The following PCDHB16 variants were observed in gnomAD, a reference collection of about 807,000 sequenced individuals.
The protein encoded by PCDHB16 is protocadherin beta 16, also known as protocadherin beta-16.
For synonymous variants in PCDHB16, 444 were observed against 436.5 expected, an observed-to-expected ratio of 1.02 and a Z score of -0.21; for missense variants, 1,026 against 989.9, an observed-to-expected ratio of 1.04 and a Z score of -0.49.
rs782612185 is a variant in PCDHB16, at chr5:141,183,182, T to G, written c.623T>G (p.Leu208Arg). 1.2e-6 allele frequency: 2 copies of G among 1,614,194 alleles called. No individual in the cohort carries two copies. The change falls in exon 1 of 1, where the codon CTA becomes CGA. Residue 208 changes from leucine to arginine, a missense_variant. Transcript: ENST00000609684. ...CTGGATCGGGAGGAGGAGCCTCAAC[T>G]AAGATTAACCCTGACAGCGCTGGAT... ...KELDREEEPQ[L>R]RLTLTALDGG...
Position 141,183,820 on chromosome 5 carries a change from C to G in PCDHB16, c.1261C>G (p.Leu421Val). The G allele has an allele frequency of 1.2e-6, 2 of 1,614,206 alleles. No individual in the cohort carries two copies. Among genetic ancestry groups the G allele is most frequent in the Middle Eastern group, 1.6e-4 (1 of 6,062 alleles). Residue 421 changes from leucine to valine, a missense_variant, in exon 1 of 1, where the codon CTC becomes GTC. Coordinates refer to ENST00000609684, the MANE Select transcript of PCDHB16 (RefSeq NM_020957.4). ...REARAEYNIT[L>V]TVTDMGTPRL... ...AGCAAGAGCTGAATATAATATCACCCTCACCGTCACAGATATGGGGACTCC... is the reference window on the plus strand; with the variant it reads ...AGCAAGAGCTGAATATAATATCACCGTCACCGTCACAGATATGGGGACTCC...
rs1006374044 is a variant in PCDHB16 at position 141,183,593 on chromosome 5, C to T, written c.1034C>T (p.Pro345Leu). The T allele has an allele frequency of 6.2e-7, 1 of 1,614,152 alleles. No homozygotes were observed. Among genetic ancestry groups the T allele is most frequent in the East Asian group, 2.2e-5 (1 of 44,870 alleles). Residue 345 changes from proline (P) to leucine (L), a missense_variant, in exon 1 of 1, where the codon CCA becomes CTA. Pro to Leu is a moderately conservative substitution (Grantham distance 98, BLOSUM62 -3). Transcript: ENST00000609684. ...LQVVDVNDNPPQVTMSALTSP... is the reference protein window; with the variant it reads ...LQVVDVNDNPLQVTMSALTSP... ...GTGGTGGACGTGAATGACAATCCCC[C>T]ACAGGTGACCATGTCTGCACTCACC...
In PCDHB16 at chr5:141,183,036, C is replaced by A. The variant is rs782704409; in HGVS notation, c.477C>A (p.Asp159Glu). 6.2e-7 allele frequency: 1 copy of A among 1,614,222 alleles called. No individual in the cohort carries two copies. The highest frequency in any genetic ancestry group is 8.5e-7 in the Non-Finnish European group (1 of 1,180,048). The change falls in exon 1 of 1, where the codon GAC becomes GAA. Residue 159 changes from aspartate to glutamate, a missense_variant. Asp to Glu is a conservative substitution (Grantham distance 45). Transcript: ENST00000609684. The stretch of plus-strand genomic sequence containing the variant: ...AGTTCCCTCTGAATCATGCTTTGGA[C>A]TTGGACGTAGGAAGCAATAATGTTC... ...GTEFPLNHAL[D>E]LDVGSNNVQN...
At position 141,182,651 on chromosome 5, in the gene PCDHB16, G is replaced by T. The variant is rs782010736; in HGVS notation, c.92G>T (p.Gly31Val). The change falls in exon 1 of 1, where the codon GGG (glycine) becomes GTG (valine). Residue 31 changes from glycine (G) to valine (V), a missense_variant. By Grantham distance (109) the Gly-to-Val change is moderately radical. Coordinates refer to ENST00000609684, the MANE Select transcript of PCDHB16 (RefSeq NM_020957.4). ...TTGTCTGGGGCGGGCGCCGAGTTGG[G>T]GTCCTATTCCGTAGTGGAAGAAACG... ...LSLSGAGAEL[G>V]SYSVVEETER... The T allele has an allele frequency of 3.1e-6, 5 of 1,592,304 alleles. No individual in the cohort carries two copies. The Admixed American group carries it at 9.1e-5, about 29-fold the overall frequency.
Position 141,184,868 on chromosome 5 carries a change from T to A in PCDHB16, c.2309T>A (p.Ile770Asn). ...AGTGAGTTCAAGTTCCTGAAGCCGA[T>A]TATCCCCAACTTCTCTCCTTAGGGC... ...ETSEFKFLKP[I>N]IPNFSP Residue 770 changes from isoleucine to asparagine, a missense_variant, in exon 1 of 1, where the codon ATT becomes AAT. Coordinates refer to ENST00000609684, the MANE Select transcript of PCDHB16 (RefSeq NM_020957.4). 6.2e-7 allele frequency: 1 copy of A among 1,614,222 alleles called. No individual in the cohort carries two copies. Among genetic ancestry groups the A allele is most frequent in the East Asian group, 2.2e-5 (1 of 44,886 alleles).
rs1753627094 is a variant in PCDHB16 at position 141,183,619 on chromosome 5, A to G, written c.1060A>G (p.Ser354Gly). Residue 354 changes from serine to glycine, a missense_variant, in exon 1 of 1, where the codon AGC becomes GGC. Ser to Gly is a moderately conservative substitution (Grantham distance 56, BLOSUM62 0). Coordinates refer to ENST00000609684, the MANE Select transcript of PCDHB16 (RefSeq NM_020957.4). ...ACAGGTGACCATGTCTGCACTCACC[A>G]GCCCCATCCCAGAGAACTCGCCTGA... ...PPQVTMSALT[S>G]PIPENSPEIV... The G allele has an allele frequency of 6.2e-7, 1 of 1,614,028 alleles. No homozygotes were observed. The highest frequency in any genetic ancestry group is 8.5e-7 in the Non-Finnish European group (1 of 1,180,032).
chr5:141,183,804 T>C lies in PCDHB16; in HGVS notation c.1245T>C (p.Ala415=). ...TERALDREAR[A]EYNITLTVTD... ...GAGCACTCGACAGAGAAGCAAGAGCTGAATATAATATCACCCTCACCGTCA... is the reference window on the plus strand; with the variant it reads ...GAGCACTCGACAGAGAAGCAAGAGCCGAATATAATATCACCCTCACCGTCA... Residue 415 remains alanine (A), a synonymous_variant, in exon 1 of 1, where the codon GCT becomes GCC. Coordinates refer to ENST00000609684, the MANE Select transcript of PCDHB16 (RefSeq NM_020957.4). 6.2e-7 allele frequency: 1 copy of C among 1,614,176 alleles called. No homozygotes were observed. The highest frequency in any genetic ancestry group is 1.3e-5 in the African/African-American group (1 of 75,050).
Position 141,185,403 on chromosome 5 carries a change from C to A in PCDHB16, c.*513C>A. The A allele has an allele frequency of 2.7e-6, 2 of 749,054 alleles. No homozygotes were observed. Among genetic ancestry groups the A allele is most frequent in the Non-Finnish European group, 3.3e-6 (2 of 612,244 alleles). 46.4% of individuals were successfully genotyped at this position (749,054 alleles called of 1,614,324 possible). ...AAAGTTTCTTTCTTTCTTTTCTTTT[C>A]TTTCTTTTTTTTTTTTTCCTTTTTG... On this transcript the variant is annotated 3_prime_UTR_variant, in exon 1 of 1. Transcript: ENST00000609684.
At position 141,183,774 on chromosome 5, in the gene PCDHB16, G is replaced by A. The variant is rs782203418; in HGVS notation, c.1215G>A (p.Thr405=). The stretch of plus-strand genomic sequence containing the variant: ...TCAAGAACTTTTACACCTTGGTAAC[G>A]GAGAGAGCACTCGACAGAGAAGCAA... ...PSVKNFYTLV[T]ERALDREARA... Residue 405 remains threonine (T), a synonymous_variant, in exon 1 of 1, where the codon ACG becomes ACA. Coordinates refer to ENST00000609684, the MANE Select transcript of PCDHB16 (RefSeq NM_020957.4). 4.3e-6 allele frequency: 7 copies of A among 1,614,136 alleles called. No individual in the cohort carries two copies. Among genetic ancestry groups the A allele is most frequent in the Middle Eastern group, 1.6e-4 (1 of 6,062 alleles).
Position 141,185,972 on chromosome 5 carries a change from T to C in PCDHB16, c.*1082T>C. On this transcript the variant is annotated 3_prime_UTR_variant, in exon 1 of 1. Coordinates refer to ENST00000609684, the MANE Select transcript of PCDHB16 (RefSeq NM_020957.4). ...ATAATTTATTCTTTCTATTACTGAA[T>C]TAAAAAATCAGAGGTCCCTGTTATA... 4.2e-6 allele frequency: 4 copies of C among 961,372 alleles called. No homozygotes were observed. The highest frequency in any genetic ancestry group is 5.0e-6 in the Non-Finnish European group (4 of 794,692). 59.6% of individuals were successfully genotyped at this position (961,372 alleles called of 1,614,324 possible). A position where few individuals can be genotyped will look rare whatever the true frequency, so the allele number is the denominator to read the frequency against.
rs377068648 is a variant in PCDHB16 at position 141,183,589 on chromosome 5, C to T, written c.1030C>T (p.Pro344Ser). The change falls in exon 1 of 1, where the codon CCC (proline) becomes TCC (serine). Residue 344 changes from proline (P) to serine (S), a missense_variant. Physicochemically the swap from Pro to Ser is moderately conservative, Grantham distance 74. Transcript: ENST00000609684. ...GCAGGTGGTGGACGTGAATGACAAT[C>T]CCCCACAGGTGACCATGTCTGCACT... ...LLQVVDVNDNPPQVTMSALTS... is the reference protein window; with the variant it reads ...LLQVVDVNDNSPQVTMSALTS... The T allele has an allele frequency of 8.1e-6, 13 of 1,614,012 alleles. 1 individual carries two copies. The highest frequency in any genetic ancestry group is 5.3e-5 in the African/African-American group (4 of 74,896).
In PCDHB16 at chr5:141,183,553, AC is replaced by A; in HGVS notation, c.995del (p.Thr332IlefsTer9). 6.2e-7 allele frequency: 1 copy of A among 1,613,940 alleles called. No homozygotes were observed. Among genetic ancestry groups the A allele is most frequent in the Non-Finnish European group, 8.5e-7 (1 of 1,179,996 alleles). ...TDGGGLSGKC[T>X]LLLQVVDVND... Reference sequence around the variant, plus strand: ...TGGGGGAGGTCTTTCAGGAAAGTGCACTCTTCTCCTGCAGGTGGTGGACGTG... The same window carrying A: ...TGGGGGAGGTCTTTCAGGAAAGTGCATCTTCTCCTGCAGGTGGTGGACGTG... On this transcript the variant is annotated frameshift_variant, in exon 1 of 1. Transcript: ENST00000609684. LOFTEE classifies it low-confidence loss of function (END_TRUNC).
rs1554282604 is a variant in PCDHB16, at chr5:141,186,050, A to G, written c.*1160A>G. The G allele has an allele frequency of 1.0e-6, 1 of 998,542 alleles. No homozygotes were observed. Among genetic ancestry groups the G allele is most frequent in the African/African-American group, 1.7e-5 (1 of 57,180 alleles). The allele number at this position is 998,542 out of a possible 1,614,324, so 61.9% of individuals were successfully genotyped here. Reference sequence around the variant, plus strand: ...TTAAGTTGGAAAAAAAACTTATCAAAGAGACATTTACATGGTTTGGCTTTT... The same window carrying G: ...TTAAGTTGGAAAAAAAACTTATCAAGGAGACATTTACATGGTTTGGCTTTT... On this transcript the variant is annotated 3_prime_UTR_variant, in exon 1 of 1. Coordinates refer to ENST00000609684, the MANE Select transcript of PCDHB16 (RefSeq NM_020957.4).
chr5:141,184,494 G>A lies in PCDHB16; in HGVS notation c.1935G>A (p.Lys645=). Residue 645 remains lysine (K), a synonymous_variant, in exon 1 of 1, where the codon AAG becomes AAA. Coordinates refer to ENST00000609684, the MANE Select transcript of PCDHB16 (RefSeq NM_020957.4). ...AGCAGAGGCTGGTGGTGCTGGTCAA[G>A]GACAATGGCGAGCCTCCGCGCTCGG... The part of the protein sequence containing the change: ...AAKQRLVVLV[K]DNGEPPRSAT... 1.2e-6 allele frequency: 2 copies of A among 1,609,108 alleles called. No individual in the cohort carries two copies. Among genetic ancestry groups the A allele is most frequent in the Non-Finnish European group, 1.7e-6 (2 of 1,179,598 alleles).
In PCDHB16 at chr5:141,185,090, C is replaced by G; in HGVS notation, c.*200C>G. 1 of 1,408,456 alleles carries G rather than the reference C, an allele frequency of 7.1e-7. No individual in the cohort carries two copies. The highest frequency in any genetic ancestry group is 9.3e-7 in the Non-Finnish European group (1 of 1,079,300). 87.2% of individuals were successfully genotyped at this position (1,408,456 alleles called of 1,614,324 possible). On this transcript the variant is annotated 3_prime_UTR_variant, in exon 1 of 1. Coordinates refer to ENST00000609684, the MANE Select transcript of PCDHB16 (RefSeq NM_020957.4). ...TATTGTTAATTCCAGTTTCCCTTTT[C>G]CTCATATTTACCCCGAAGAGGTGTT...
chr5:141,182,722 G>C lies in PCDHB16; in HGVS notation c.163G>C (p.Gly55Arg). ...VANLGKDLGLGLTEMSTRKAR... is the reference protein window; with the variant it reads ...VANLGKDLGLRLTEMSTRKAR... ...AAATCTAGGAAAAGACCTGGGGTTG[G>C]GGTTGACAGAGATGTCCACCCGCAA... Residue 55 changes from glycine (G) to arginine (R), a missense_variant, in exon 1 of 1, where the codon GGG (glycine) becomes CGG (arginine). Coordinates refer to ENST00000609684, the MANE Select transcript of PCDHB16 (RefSeq NM_020957.4). The C allele has an allele frequency of 9.9e-6, 16 of 1,611,566 alleles. No homozygotes were observed. Among genetic ancestry groups the C allele is most frequent in the Non-Finnish European group, 1.4e-5 (16 of 1,178,316 alleles).
rs1025661387 is a variant in PCDHB16 at position 141,185,688 on chromosome 5, C to A, written c.*798C>A. On this transcript the variant is annotated 3_prime_UTR_variant, in exon 1 of 1. Transcript: ENST00000609684. Reference sequence around the variant, plus strand: ...AAAATTCTGGGATTACAGGCATAAGCCAATGTGCCCATCCAAAGTTTTATT... The same window carrying A: ...AAAATTCTGGGATTACAGGCATAAGACAATGTGCCCATCCAAAGTTTTATT... 3.0e-6 allele frequency: 3 copies of A among 991,838 alleles called. No individual in the cohort carries two copies. The highest frequency in any genetic ancestry group is 6.2e-5 in the Admixed American group (1 of 16,260). The allele number at this position is 991,838 out of a possible 1,614,324, so 61.4% of individuals were successfully genotyped here.
Position 141,182,460 on chromosome 5 carries a change from G to T in PCDHB16, c.-100G>T. On this transcript the variant is annotated 5_prime_UTR_variant, in exon 1 of 1. Transcript: ENST00000609684. ...GAGTGTGAAACCTCTTTAAGACACC[G>T]TTGGGCTGCTTGGTTCTGACATTCT... 2.8e-6 allele frequency: 3 copies of T among 1,058,780 alleles called. No homozygotes were observed. Among genetic ancestry groups the T allele is most frequent in the Non-Finnish European group, 4.0e-6 (3 of 744,840 alleles). The allele number at this position is 1,058,780 out of a possible 1,614,324, so 65.6% of individuals were successfully genotyped here. A position where few individuals can be genotyped will look rare whatever the true frequency, so the allele number is the denominator to read the frequency against.
rs1310619659 is a variant in PCDHB16, at chr5:141,185,987, T to C, written c.*1097T>C. 2 of 963,378 alleles carry C rather than the reference T, an allele frequency of 2.1e-6. No individual in the cohort carries two copies. The highest frequency in any genetic ancestry group is 2.5e-6 in the Non-Finnish European group (2 of 796,732). 59.7% of individuals were successfully genotyped at this position (963,378 alleles called of 1,614,324 possible). On this transcript the variant is annotated 3_prime_UTR_variant, in exon 1 of 1. Coordinates refer to ENST00000609684, the MANE Select transcript of PCDHB16 (RefSeq NM_020957.4). ...TATTACTGAATTAAAAAATCAGAGG[T>C]CCCTGTTATATTTTTAATGGCTAAC...
Sources: gnomAD v4.1 joint callset for allele counts on GRCh38, gnomAD v4.1.1 for gene constraint, MANE v1.5 for transcripts, NCBI Gene and HGNC (gene_info 2026-07-23, HGNC 2026-07-21) for gene names.